Variants in KHDRBS2 observed in about 807,000 individuals in gnomAD.
KHDRBS2 encodes KH RNA binding domain containing, signal transduction associated 2, also known as KH domain-containing, RNA-binding, signal transduction-associated protein 2.
Under a neutral mutation model 44.3 loss-of-function variants are expected in KHDRBS2, and 26 were observed. The ratio of observed to expected loss-of-function variants is 0.59; its 90% confidence interval spans 0.43 to 0.81. The LOEUF (loss-of-function observed/expected upper bound fraction) is 0.81, where lower values mean the gene tolerates loss of function less well. Among genes scored for constraint, KHDRBS2 ranks in the 40% least tolerant of loss-of-function variants. The probability of loss-of-function intolerance (pLI) is 0.00; values close to 1 mark genes in which losing one functional copy is unlikely to be tolerated. For synonymous variants in KHDRBS2, 194 were observed against 151.1 expected, an observed-to-expected ratio of 1.28 and a Z score of -2.08; for missense variants, 476 against 433.1, an observed-to-expected ratio of 1.10 and a Z score of -0.88.
chr6:61,853,355 T>C lies in KHDRBS2; in HGVS notation c.810+41280A>G, dbSNP rs1337318720. ...CACATAATTTAACAATTTATAGCCA[T>C]TGAAATTTTTATTAAGCCTGTATCA... On this transcript the variant is annotated intron_variant, in intron 6 of 8. Transcript: ENST00000281156. Among the ~76,000 whole-genome samples the C allele has an allele frequency of 2.0e-5, 3 of 152,182 alleles. 1 individual carries two copies. Among genetic ancestry groups the C allele is most frequent in the Non-Finnish European group, 4.4e-5 (3 of 68,032 alleles).
downstream of KHDRBS2, among the ~76,000 whole-genome samples, chr6:61,675,788 T>C (rs1765896829): frequency 6.6e-6 from 1 of 151,848 alleles, no homozygotes; most frequent in African/African-American, 2.4e-5. Flanking sequence ...GTCTAGTTTT[T>C]AGCTAATCTG....
intron 4 of KHDRBS2, among the ~76,000 whole-genome samples, chr6:61,951,587 G>T (rs2127383751): frequency 6.6e-6 from 1 of 152,120 alleles, no homozygotes; most frequent in South Asian, 2.1e-4. Context: ...TAACATGTGT[G>T]ATTGCTTACT....
At chr6:61,597,740 A>ATG in the KHDRBS2 span, among the ~76,000 whole-genome samples, 1 of 40,356 alleles carries the variant, frequency 2.5e-5, no homozygotes, top group Non-Finnish European at 4.6e-5. Flanking sequence ...TTTTATATAT[A>ATG]TATATATATA....
At chr6:62,254,492 C>T (rs1837051180) in intron 1 of KHDRBS2, among the ~76,000 whole-genome samples, 1 of 152,078 alleles carries the variant, frequency 6.6e-6, no homozygotes, top group Non-Finnish European at 1.5e-5. Context: ...CAGAAAACCA[C>T]TCTGTGCTGA....
rs545175380 is a variant in KHDRBS2, at chr6:62,047,775, T to C, written c.336+103A>G. 3.4e-5 allele frequency: 25 copies of C among 727,308 alleles called. No homozygotes were observed. In the East Asian group the frequency reaches 4.5e-4, roughly 13 times the overall value. 45.1% of individuals were successfully genotyped at this position (727,308 alleles called of 1,614,324 possible). On this transcript the variant is annotated intron_variant, in intron 3 of 8. Transcript: ENST00000281156. ...GGGTGATCCCAGGAAATGGAAATCA[T>C]AGGAAATGGTGAAAGAGCAGTTCAG... is the stretch of plus-strand genomic sequence containing the variant.
the KHDRBS2 span, among the ~76,000 whole-genome samples, chr6:61,649,977 T>G: frequency 1.3e-5 from 2 of 152,140 alleles, no homozygotes; most frequent in African/African-American, 4.8e-5. Context: ...AATATGCAAA[T>G]TAGAAAAACC....
At chr6:61,555,618 C>A in the KHDRBS2 span, among the ~76,000 whole-genome samples, 2 of 152,298 alleles carry the variant, frequency 1.3e-5, no homozygotes, top group African/African-American at 4.8e-5. Flanking sequence ...TGCACTGATT[C>A]TTTTACATCT....
At chr6:62,212,199 T>A (rs1292788288) in intron 1 of KHDRBS2, among the ~76,000 whole-genome samples, 1 of 152,154 alleles carries the variant, frequency 6.6e-6, no homozygotes, top group African/African-American at 2.4e-5. Flanking sequence ...CTCCTATATA[T>A]GTTACATATA....
chr6:62,026,622 T>A (rs967184289), intron 3 of KHDRBS2, among the ~76,000 whole-genome samples: 2 of 151,152 alleles, frequency 1.3e-5, no homozygotes, highest in African/African-American at 2.4e-5. Context: ...AGAGCTCAGA[T>A]CTCATTATGA....
intron 8 of KHDRBS2, among the ~76,000 whole-genome samples, chr6:61,692,697 T>A (rs770033789): frequency 6.6e-6 from 1 of 152,132 alleles, no homozygotes; most frequent in Non-Finnish European, 1.5e-5. Context: ...TCTGCTGGCT[T>A]ATTTCAAATC....
intron 6 of KHDRBS2, among the ~76,000 whole-genome samples, chr6:61,819,380 G>A (rs549296026): frequency 1.4e-4 from 22 of 152,132 alleles, no homozygotes; most frequent in African/African-American, 5.1e-4. Flanking sequence ...AAAACAAAAT[G>A]TTGGAGCTTA....
intron 1 of KHDRBS2, among the ~76,000 whole-genome samples, chr6:62,218,913 A>G (rs1043085703): frequency 3.3e-5 from 5 of 151,940 alleles, no homozygotes; most frequent in African/African-American, 1.2e-4. Context: ...AAACAACTCA[A>G]AACAGAAAGT....
chr6:61,769,651 G>C (rs946205714), intron 6 of KHDRBS2, among the ~76,000 whole-genome samples: 2 of 152,144 alleles, frequency 1.3e-5, no homozygotes, highest in African/African-American at 2.4e-5. Context: ...CGCCATTGCC[G>C]AGTTACTTGT....
chr6:62,009,313 A>T (rs575542870), intron 3 of KHDRBS2, among the ~76,000 whole-genome samples: 1 of 152,190 alleles, frequency 6.6e-6, no homozygotes, highest in African/African-American at 2.4e-5. Flanking sequence ...TTAGGGTATC[A>T]GTTGGAAGAA....
At chr6:62,237,614 A>G (rs767087012) in intron 1 of KHDRBS2, among the ~76,000 whole-genome samples, 40 of 152,224 alleles carry the variant, frequency 2.6e-4, no homozygotes, top group Admixed American at 5.9e-4. Context: ...TGAGAAGATT[A>G]TAAAAGTATT....
chr6:61,717,295 A>C (rs1326691151), intron 7 of KHDRBS2, among the ~76,000 whole-genome samples: 1 of 152,184 alleles, frequency 6.6e-6, no homozygotes, highest in East Asian at 1.9e-4. Flanking sequence ...TCCTAAAACT[A>C]ACAGTGGTTC....
chr6:62,228,682 T>C (rs1320384218), intron 1 of KHDRBS2, among the ~76,000 whole-genome samples: 1 of 152,178 alleles, frequency 6.6e-6, no homozygotes, highest in African/African-American at 2.4e-5. Flanking sequence ...GCTATAAATT[T>C]CCCTCCTAAC....
At chr6:62,261,244 G>T (rs1285362459) in intron 1 of KHDRBS2, among the ~76,000 whole-genome samples, 1 of 151,880 alleles carries the variant, frequency 6.6e-6, no homozygotes, top group African/African-American at 2.4e-5. Flanking sequence ...ATTTCTTCAT[G>T]ATTTTGTCCT....
At chr6:62,154,257 G>A (rs1171372594) in intron 2 of KHDRBS2, among the ~76,000 whole-genome samples, 3 of 152,094 alleles carry the variant, frequency 2.0e-5, no homozygotes, top group South Asian at 2.1e-4. Flanking sequence ...CAGGTGTCAC[G>A]GAGATTCTCT....
Sources: allele counts gnomAD v4.1 joint callset (sites outside exome capture counted in the v4.1 genomes callset), GRCh38; gene constraint gnomAD v4.1.1; transcripts MANE v1.5; gene names NCBI Gene and HGNC (gene_info 2026-07-23, HGNC 2026-07-21).